Variants in TAB1 observed in about 807,000 individuals in gnomAD.
The protein encoded by TAB1 is TGF-beta-activated kinase 1 and MAP3K7-binding protein 1.
Under a neutral mutation model 54.5 loss-of-function variants are expected in TAB1, and 30 were observed. The ratio of observed to expected loss-of-function variants is 0.55; its 90% CI spans 0.41 to 0.75. The LOEUF (loss-of-function observed/expected upper bound fraction) is 0.75, where lower values mean the gene tolerates loss of function less well. Among genes scored for constraint, TAB1 ranks in the 30% least tolerant of loss-of-function variants. The probability of loss-of-function intolerance (pLI) is 0.00; values close to 1 mark genes in which losing one functional copy is unlikely to be tolerated. For missense variants in TAB1, 609 were observed against 683.2 expected (o/e 0.89, Z 1.21); for synonymous variants, 289 against 286.9 (o/e 1.01, Z -0.07).
rs1926847069 is a variant in TAB1 at position 39,416,713 on chromosome 22, C to CT, written c.325-77dup. 18 of 1,355,706 alleles carry CT rather than the reference C, an allele frequency of 1.3e-5. No homozygotes were observed. The South Asian group carries it at 2.1e-4, about 16-fold the overall frequency. 84.0% of individuals were successfully genotyped at this position (1,355,706 alleles called of 1,614,324 possible). On this transcript the variant is annotated intron_variant, in intron 3 of 10. Coordinates refer to ENST00000216160, the MANE Select transcript of TAB1 (RefSeq NM_006116.3). ...CAGTGAAGACAGCAAAGCTGCTGCT[C>CT]TGATTAATAGAGGACATTTTGGCAC...
Position 39,416,897 on chromosome 22 carries a change from C to G in TAB1, c.411+20C>G, listed in dbSNP as rs377578530. The G allele has an allele frequency of 6.2e-7, 1 of 1,612,644 alleles. No homozygotes were observed. Among genetic ancestry groups the G allele is most frequent in the Admixed American group, 1.7e-5 (1 of 60,010 alleles). ...CCAGAGGTAATTTCCCCAGCCGACACCCAGGGGAGTCAAGTCCAGGCCCAG... is the reference window on the plus strand; with the variant it reads ...CCAGAGGTAATTTCCCCAGCCGACAGCCAGGGGAGTCAAGTCCAGGCCCAG... On this transcript the variant is annotated intron_variant, in intron 4 of 10. Transcript: ENST00000216160.
At chr22:39,404,023 C>T (rs893290485) in intron 1 of TAB1, among the ~76,000 whole-genome samples, 13 of 151,988 alleles carry the variant, frequency 8.6e-5, no homozygotes, top group South Asian at 6.2e-4. Flanking sequence ...CATCCAGGTG[C>T]GAGAAGGTGT....
At chr22:39,420,882 C>CTG (rs3043618) in intron 7 of TAB1, among the ~76,000 whole-genome samples, 708 of 14,318 alleles carry the variant, frequency 0.049, 161 homozygotes, top group South Asian at 0.062. Context: ...GTGTCTCTCT[C>CTG]TGTGTGTGTG....
chr22:39,429,260 A>AG (rs1927481428), intron 10 of TAB1: 3 of 985,214 alleles, frequency 3.0e-6, no homozygotes, highest in African/African-American at 1.7e-5. Context: ...ATTGAAGGGG[A>AG]GGGGGGCGAA....
downstream of TAB1, chr22:39,432,850 C>T (rs1420494070): frequency 1.0e-6 from 1 of 985,354 alleles, no homozygotes; most frequent in Non-Finnish European, 1.2e-6. Flanking sequence ...GAGCCTGTCT[C>T]CTGGAGGGAA....
In TAB1 at chr22:39,430,106, G is replaced by A. The variant is rs200722887; in HGVS notation, c.1399G>A (p.Ala467Thr). ...SDGGLFRSRP[A>T]HSLPPGEDGR... ...CGGAGGCCTCTTCCGCTCCCGGCCC[G>A]CCCACTCGCTCCCGCCTGGCGAGGA... The change falls in exon 11 of 11, where the codon GCC becomes ACC. Residue 467 changes from alanine (A) to threonine (T), a missense_variant. Coordinates refer to ENST00000216160, the MANE Select transcript of TAB1 (RefSeq NM_006116.3). 2.4e-5 allele frequency: 39 copies of A among 1,613,954 alleles called. No homozygotes were observed. Among genetic ancestry groups the A allele is most frequent in the African/African-American group, 4.0e-5 (3 of 75,056 alleles).
At chr22:39,417,926 C>T in intron 5 of TAB1, 77 bp downstream of exon 5, 3 of 1,511,382 alleles carry the variant, frequency 2.0e-6, no homozygotes, top group Non-Finnish European at 2.7e-6. Context: ...ATTTGACAAT[C>T]TGCTTTCCAG....
chr22:39,420,587 G>C (rs975414780), intron 7 of TAB1, among the ~76,000 whole-genome samples: 1 of 152,112 alleles, frequency 6.6e-6, no homozygotes, highest in African/African-American at 2.4e-5. Flanking sequence ...TAATTTGTGG[G>C]GTCCTGTTTC....
chr22:39,421,214 T>G (rs1258687724), intron 7 of TAB1, among the ~76,000 whole-genome samples: 1 of 152,186 alleles, frequency 6.6e-6, no homozygotes, highest in Non-Finnish European at 1.5e-5. Flanking sequence ...CTCTTCATTC[T>G]GCTCACCTGC....
chr22:39,413,052 C>G (rs535933409), intron 1 of TAB1, among the ~76,000 whole-genome samples: 2 of 151,704 alleles, frequency 1.3e-5, no homozygotes, highest in East Asian at 3.9e-4. Flanking sequence ...GTAGCTGGGA[C>G]TACAGGCGCC....
chr22:39,420,882 CTGTGTGTGTG>C (rs3043618), intron 7 of TAB1, among the ~76,000 whole-genome samples: 46 of 14,378 alleles, frequency 3.2e-3, no homozygotes, highest in African/African-American at 0.014. Flanking sequence ...GTGTCTCTCT[CTGTGTGTGTG>C]TGTGTGTGTG....
chr22:39,430,436 C>G lies in TAB1; in HGVS notation c.*214C>G. 4.9e-6 allele frequency: 7 copies of G among 1,425,252 alleles called. No homozygotes were observed. The highest frequency in any genetic ancestry group is 6.4e-6 in the Non-Finnish European group (7 of 1,090,732). 88.3% of individuals were successfully genotyped at this position (1,425,252 alleles called of 1,614,324 possible). On this transcript the variant is annotated 3_prime_UTR_variant, in exon 11 of 11. Transcript: ENST00000216160. ...TCACCACCCGGGAAGCTGAAGGCCACTTCCTCCCAGATGGCCTCAGCCAGG... is the reference window on the plus strand; with the variant it reads ...TCACCACCCGGGAAGCTGAAGGCCAGTTCCTCCCAGATGGCCTCAGCCAGG...
chr22:39,411,567 A>T (rs1042479629), intron 1 of TAB1, among the ~76,000 whole-genome samples: 8 of 152,218 alleles, frequency 5.3e-5, no homozygotes, highest in Non-Finnish European at 1.0e-4. Context: ...GAATATCTAA[A>T]TTCAGAAAAA....
chr22:39,408,066 A>G (rs1926444554), intron 1 of TAB1, among the ~76,000 whole-genome samples: 1 of 152,216 alleles, frequency 6.6e-6, no homozygotes, highest in African/African-American at 2.4e-5. Flanking sequence ...GACTCCTTAG[A>G]TAAACAATAG....
intron 6 of TAB1, among the ~76,000 whole-genome samples, chr22:39,419,252 G>A (rs1204885003): frequency 6.6e-6 from 1 of 152,192 alleles, no homozygotes; most frequent in Non-Finnish European, 1.5e-5. Context: ...TGGGGCACAC[G>A]GGATGGGCAG....
At chr22:39,428,953 C>A (rs184604828) in intron 10 of TAB1, among the ~76,000 whole-genome samples, 1 of 152,236 alleles carries the variant, frequency 6.6e-6, no homozygotes, top group South Asian at 2.1e-4. Flanking sequence ...CCTGCCAGGC[C>A]GAGCAAGCTC....
rs771026391 is a variant in TAB1, at chr22:39,430,102, G to A, written c.1395G>A (p.Arg465=). The A allele has an allele frequency of 6.2e-7, 1 of 1,614,018 alleles. No individual in the cohort carries two copies. Among genetic ancestry groups the A allele is most frequent in the Non-Finnish European group, 8.5e-7 (1 of 1,180,040 alleles). ...CTGACGGAGGCCTCTTCCGCTCCCG[G>A]CCCGCCCACTCGCTCCCGCCTGGCG... The part of the protein sequence containing the change: ...SSSDGGLFRS[R]PAHSLPPGED... The change falls in exon 11 of 11, where the codon CGG becomes CGA. Residue 465 remains arginine (R), a synonymous_variant. Transcript: ENST00000216160.
At chr22:39,418,440 A>C (rs35717468) in intron 5 of TAB1, among the ~76,000 whole-genome samples, 6,441 of 152,276 alleles carry the variant, frequency 0.042, 462 homozygotes, top group African/African-American at 0.15. Context: ...ATTTTGAAGC[A>C]AATGCCAGAC....
At chr22:39,433,533 C>T (rs1927667058), downstream of TAB1, 1 of 985,290 alleles carries the variant, frequency 1.0e-6, no homozygotes. Flanking sequence ...CCTCAGAAAT[C>T]CCGTTGTCCC....
Sources: gnomAD v4.1 joint callset for allele counts (sites outside exome capture counted in the v4.1 genomes callset) on GRCh38, gnomAD v4.1.1 for gene constraint, MANE v1.5 for transcripts, NCBI Gene and HGNC (gene_info 2026-07-23, HGNC 2026-07-21) for gene names.